SNTG1: variants seen among roughly 807,000 people sequenced by gnomAD.
SNTG1 encodes the protein syntrophin gamma 1, also known as gamma-1-syntrophin.
Under a neutral mutation model 74.7 loss-of-function variants are expected in SNTG1, and 39 were observed. The ratio of observed to expected loss-of-function variants is 0.52; its 90% CI spans 0.40 to 0.68. The LOEUF (loss-of-function observed/expected upper bound fraction) is 0.68, where lower values mean the gene tolerates loss of function less well. Among genes scored for constraint, SNTG1 ranks in the 30% least tolerant of loss-of-function variants. The pLI is 0.00. For synonymous variants in SNTG1, 254 were observed against 217.1 expected (o/e 1.17, Z -1.49); for missense variants, 685 against 609.5 (o/e 1.12, Z -1.30).
At chr8:50,419,980 GA>G (rs112597520) in intron 4 of SNTG1, among the ~76,000 whole-genome samples, 2 of 147,996 alleles carry the variant, frequency 1.4e-5, no homozygotes, top group Non-Finnish European at 3.0e-5. Context: ...TACTCATTCT[GA>G]AAAAAAAACA....
chr8:50,450,630 A>G, intron 7 of SNTG1, 31 bp downstream of exon 7: 1 of 1,613,434 alleles, frequency 6.2e-7, no homozygotes, highest in Non-Finnish European at 8.5e-7. Context: ...TGTGTGGTCA[A>G]AACATTAACT....
chr8:50,715,169 C>T (rs2131574827), intron 17 of SNTG1, among the ~76,000 whole-genome samples: 1 of 152,290 alleles, frequency 6.6e-6, no homozygotes, highest in South Asian at 2.1e-4. Flanking sequence ...ACTCCTCCTG[C>T]TGCAACTCGG....
chr8:49,976,879 T>C (rs190730372), intron 1 of SNTG1, among the ~76,000 whole-genome samples: 12 of 152,286 alleles, frequency 7.9e-5, no homozygotes, highest in Admixed American at 1.3e-4. Context: ...TTTGAAGAGA[T>C]CATTCTGGCT....
At chr8:50,037,630 A>C (rs1818274510) in intron 1 of SNTG1, among the ~76,000 whole-genome samples, 1 of 152,222 alleles carries the variant, frequency 6.6e-6, no homozygotes, top group Admixed American at 6.5e-5. Flanking sequence ...ATGTAACATA[A>C]GTTTTAAAGC....
At chr8:50,526,504 T>C (rs895309765) in intron 9 of SNTG1, among the ~76,000 whole-genome samples, 1 of 152,168 alleles carries the variant, frequency 6.6e-6, no homozygotes, top group African/African-American at 2.4e-5. Flanking sequence ...CAAAGCTTTC[T>C]TAACTATATA....
chr8:50,376,770 G>C (rs1325618225), intron 2 of SNTG1, among the ~76,000 whole-genome samples: 5 of 145,034 alleles, frequency 3.4e-5, no homozygotes, highest in African/African-American at 1.2e-4. Context: ...GAGAGAGAGA[G>C]AGAGAGAGAG....
At chr8:50,563,087 G>T (rs532483490) in intron 12 of SNTG1, among the ~76,000 whole-genome samples, 1 of 152,288 alleles carries the variant, frequency 6.6e-6, no homozygotes, top group South Asian at 2.1e-4. Flanking sequence ...TCCCTGAAGA[G>T]CAGACAAGAC....
intron 18 of SNTG1, among the ~76,000 whole-genome samples, chr8:50,785,593 T>A (rs1037373563): frequency 6.6e-5 from 10 of 151,980 alleles, no homozygotes; most frequent in Non-Finnish European, 1.0e-4. Context: ...CATTAAACAA[T>A]GAAAAAACAA....
intron 1 of SNTG1, among the ~76,000 whole-genome samples, chr8:49,930,262 G>A (rs1408513182): frequency 1.1e-4 from 4 of 35,912 alleles, no homozygotes; most frequent in Non-Finnish European, 4.8e-5. Context: ...TCCAGGAATA[G>A]TAAAAAAAAT....
intron 2 of SNTG1, among the ~76,000 whole-genome samples, chr8:50,359,481 C>T (rs752512871): frequency 6.6e-6 from 1 of 152,150 alleles, no homozygotes; most frequent in Non-Finnish European, 1.5e-5. Flanking sequence ...CCTGGCTTAG[C>T]TCCAATTTTT....
intron 1 of SNTG1, among the ~76,000 whole-genome samples, chr8:50,155,974 G>GA (rs770017671): frequency 1.1e-4 from 17 of 150,054 alleles, no homozygotes; most frequent in Non-Finnish European, 1.5e-4. Context: ...GTGTAAAAAG[G>GA]AAAAAAAATA....
At chr8:50,756,412 T>C (rs1292117546) in intron 18 of SNTG1, among the ~76,000 whole-genome samples, 1 of 151,854 alleles carries the variant, frequency 6.6e-6, no homozygotes, top group Non-Finnish European at 1.5e-5. Context: ...CTGTGTTCCA[T>C]TTGGAATTAA....
At position 50,620,375 on chromosome 8, in the gene SNTG1, C is replaced by G. The variant is rs374267450; in HGVS notation, c.849+29458C>G. On this transcript the variant is annotated intron_variant, in intron 13 of 18. Coordinates refer to ENST00000642720, the MANE Select transcript of SNTG1 (RefSeq NM_018967.5). ...GTCTATGTGATTGGATGGATCCTACCTGAAATTCAGGGTCATGTCAGCAGC... is the reference window on the plus strand; with the variant it reads ...GTCTATGTGATTGGATGGATCCTACGTGAAATTCAGGGTCATGTCAGCAGC... Among the ~76,000 whole-genome samples, 36 of 152,250 alleles carry G rather than the reference C, an allele frequency of 2.4e-4. 1 individual carries two copies. Among genetic ancestry groups the G allele is most frequent in the African/African-American group, 8.7e-4 (36 of 41,544 alleles).
At chr8:50,311,869 T>G (rs143797133) in intron 2 of SNTG1, among the ~76,000 whole-genome samples, 6 of 152,324 alleles carry the variant, frequency 3.9e-5, no homozygotes, top group African/African-American at 1.4e-4. Context: ...GGTAACCAAG[T>G]ACTAGTCTTT....
At position 49,946,220 on chromosome 8, in the gene SNTG1, T is replaced by G. The variant is rs1809173567; in HGVS notation, c.-103+33989T>G. The stretch of plus-strand genomic sequence containing the variant: ...TACTGTCAGCATTCTTTTTCTGTTG[T>G]TGTTCATGTAAATCTGACTCCTGGC... On this transcript the variant is annotated intron_variant, in intron 1 of 18. Transcript: ENST00000642720. 2.0e-5 allele frequency among the ~76,000 whole-genome samples: 3 copies of G among 152,224 alleles called. No individual in the cohort carries two copies. In the South Asian group the frequency reaches 6.2e-4, roughly 32 times the overall value.
intron 13 of SNTG1, among the ~76,000 whole-genome samples, chr8:50,596,371 AAC>A (rs1166343507): frequency 6.6e-6 from 1 of 152,070 alleles, no homozygotes; most frequent in Non-Finnish European, 1.5e-5. Flanking sequence ...ATATCTGCCT[AAC>A]ACAGGAAATA....
chr8:50,434,649 G>A (rs907966610), intron 4 of SNTG1, among the ~76,000 whole-genome samples: 1 of 152,108 alleles, frequency 6.6e-6, no homozygotes, highest in Non-Finnish European at 1.5e-5. Context: ...GTGATGATGA[G>A]CATTTATTCA....
At chr8:50,789,720 T>A (rs143338891) in intron 18 of SNTG1, among the ~76,000 whole-genome samples, 1 of 151,950 alleles carries the variant, frequency 6.6e-6, no homozygotes, top group Non-Finnish European at 1.5e-5. Context: ...TCTCCTTCTT[T>A]CAATCCAATT....
intron 10 of SNTG1, 32 bp downstream of exon 10, chr8:50,530,291 A>C (rs1373602385): frequency 6.3e-7 from 1 of 1,597,766 alleles, no homozygotes; most frequent in South Asian, 1.1e-5. Flanking sequence ...TCAGATTAAT[A>C]AGGAGATAAC....
Sources: gnomAD v4.1 joint callset for allele counts (sites outside exome capture counted in the v4.1 genomes callset) on GRCh38, gnomAD v4.1.1 for gene constraint, MANE v1.5 for transcripts, NCBI Gene and HGNC (gene_info 2026-07-23, HGNC 2026-07-21) for gene names.